NAP1L1: variants seen among roughly 807,000 people sequenced by gnomAD.
NAP1L1 encodes the protein nucleosome assembly protein 1-like 1.
NAP1L1 carries 9 observed loss-of-function variants against 58.9 expected under a neutral mutation model. The ratio of observed to expected loss-of-function variants is 0.15; its 90% CI spans 0.09 to 0.27. The LOEUF is 0.27. Among genes scored for constraint, NAP1L1 ranks in the 10% least tolerant of loss-of-function variants. NAP1L1 has a pLI of 1.00. For missense variants in NAP1L1, 302 were observed against 458.8 expected, an observed-to-expected ratio of 0.66 and a Z score of 3.12; for synonymous variants, 130 against 138.3, an observed-to-expected ratio of 0.94 and a Z score of 0.42.
At position 76,050,763 on chromosome 12, in the gene NAP1L1, C is replaced by A. The variant is rs1318463022; in HGVS notation, c.937-110G>T. On this transcript the variant is annotated intron_variant, in intron 11 of 14. Transcript: ENST00000618691. ...GTGTGATGGCTCACAACTGTAGTCCCAACACTTCAGGAGGCCAAAGTAGGA... is the reference window on the plus strand; with the variant it reads ...GTGTGATGGCTCACAACTGTAGTCCAAACACTTCAGGAGGCCAAAGTAGGA... 6 of 1,224,750 alleles carry A rather than the reference C, an allele frequency of 4.9e-6. No homozygotes were observed. In the African/African-American group the frequency reaches 7.7e-5, roughly 16 times the overall value. The allele number at this position is 1,224,750 out of a possible 1,614,324, so 75.9% of individuals were successfully genotyped here. A position where few individuals can be genotyped will look rare whatever the true frequency, so the allele number is the denominator to read the frequency against.
At chr12:76,056,321 C>G (rs1949084302) in intron 6 of NAP1L1, 160 bp from the exon 7 acceptor site, 1 of 662,328 alleles carries the variant, frequency 1.5e-6, no homozygotes, top group African/African-American at 1.8e-5. Flanking sequence ...ACCTTAATCC[C>G]ATCAAAATTA....
intron 11 of NAP1L1, 72 bp downstream of exon 11, chr12:76,053,019 C>T (rs1948913583): frequency 6.9e-7 from 1 of 1,440,628 alleles, no homozygotes; most frequent in Non-Finnish European, 9.6e-7. Flanking sequence ...TCCCACTCTC[C>T]ATTTTTGAAA....
At chr12:76,060,402 A>G in intron 4 of NAP1L1, 123 bp from the exon 5 acceptor site, 1 of 903,734 alleles carries the variant, frequency 1.1e-6, no homozygotes, top group Non-Finnish European at 1.7e-6. Flanking sequence ...AGCAAAAGGT[A>G]GATTCAAAGT....
rs778345072 is a variant in NAP1L1 at position 76,041,090 on chromosome 12, T to C, written c.*7339A>G. On this transcript the variant is annotated 3_prime_UTR_variant, in exon 15 of 15. Transcript: ENST00000618691. Reference sequence around the variant, plus strand: ...GTATACACAATCCAGCTTTGTTTCATTGGTTTTCTCAATCTACAGGAATAT... The same window carrying C: ...GTATACACAATCCAGCTTTGTTTCACTGGTTTTCTCAATCTACAGGAATAT... 1 of 152,224 alleles carries C rather than the reference T, an allele frequency of 6.6e-6. No homozygotes were observed. The highest frequency in any genetic ancestry group is 1.5e-5 in the Non-Finnish European group (1 of 68,040). 9.4% of individuals were successfully genotyped at this position (152,224 alleles called of 1,614,324 possible). A position where few individuals can be genotyped will look rare whatever the true frequency, so the allele number is the denominator to read the frequency against.
At chr12:76,074,260 G>GT in intron 1 of NAP1L1, 21 bp from the exon 2 acceptor site, 2 of 1,546,292 alleles carry the variant, frequency 1.3e-6, no homozygotes, top group Non-Finnish European at 1.7e-6. Flanking sequence ...AAACATCAAT[G>GT]TTAAAAAAAA....
intron 1 of NAP1L1, among the ~76,000 whole-genome samples, chr12:76,083,008 T>C (rs1348557873): frequency 6.6e-6 from 1 of 152,194 alleles, no homozygotes; most frequent in Non-Finnish European, 1.5e-5. Context: ...AGTGAGATTT[T>C]TAAAATGTAG....
chr12:76,056,201 T>TGCCTGCTTTG, intron 6 of NAP1L1, 40 bp from the exon 7 acceptor site: 1 of 1,577,334 alleles, frequency 6.3e-7, no homozygotes, highest in Admixed American at 2.0e-5. Flanking sequence ...ATACATAGAT[T>TGCCTGCTTTG]AGACCTCATG....
rs548880886 is a variant in NAP1L1, at chr12:76,068,722, C to A, written c.103+187G>T. ...TTCTAATTGAGTTGCTGTATCTATA[C>A]CTACCCGCCCCTTACACACACACAC... On this transcript the variant is annotated intron_variant, in intron 3 of 14. Coordinates refer to ENST00000618691, the MANE Select transcript of NAP1L1 (RefSeq NM_004537.7). 30 of 455,358 alleles carry A rather than the reference C, an allele frequency of 6.6e-5. No homozygotes were observed. The South Asian group carries it at 8.0e-4, about 12-fold the overall frequency. 28.2% of individuals were successfully genotyped at this position (455,358 alleles called of 1,614,324 possible).
In NAP1L1 at chr12:76,043,924, T is replaced by C. The variant is rs1454184803; in HGVS notation, c.*4505A>G. The C allele has an allele frequency of 6.6e-6, 1 of 152,242 alleles. No homozygotes were observed. Among genetic ancestry groups the C allele is most frequent in the Non-Finnish European group, 1.5e-5 (1 of 68,054 alleles). 9.4% of individuals were successfully genotyped at this position (152,242 alleles called of 1,614,324 possible). A position where few individuals can be genotyped will look rare whatever the true frequency, so the allele number is the denominator to read the frequency against. On this transcript the variant is annotated 3_prime_UTR_variant, in exon 15 of 15. Transcript: ENST00000618691. Reference sequence around the variant, plus strand: ...CCTTCAACTCTGGATATGAGATCTGTCGACTTCTGGCACTCACGTTTAATC... The same window carrying C: ...CCTTCAACTCTGGATATGAGATCTGCCGACTTCTGGCACTCACGTTTAATC...
At chr12:76,076,462 A>G (rs887525712) in intron 1 of NAP1L1, among the ~76,000 whole-genome samples, 2 of 151,504 alleles carry the variant, frequency 1.3e-5, no homozygotes, top group Non-Finnish European at 2.9e-5. Context: ...AATGCTTTGC[A>G]GTCACAAATG....
chr12:76,078,352 T>C (rs1352762432), intron 1 of NAP1L1, among the ~76,000 whole-genome samples: 1 of 152,110 alleles, frequency 6.6e-6, no homozygotes, highest in Non-Finnish European at 1.5e-5. Flanking sequence ...CCCCAAGCTA[T>C]GTACTTAAAA....
At chr12:76,057,562 A>G in intron 6 of NAP1L1, 1 of 894,340 alleles carries the variant, frequency 1.1e-6, no homozygotes. Context: ...TTCCGATTCC[A>G]ATAGGGCTGA....
intron 1 of NAP1L1, among the ~76,000 whole-genome samples, chr12:76,080,391 C>T (rs1031782770): frequency 2.0e-5 from 3 of 152,126 alleles, no homozygotes; most frequent in Non-Finnish European, 4.4e-5. Flanking sequence ...GAGTACACTC[C>T]AACTTATTTT....
chr12:76,058,198 T>TATATTC, intron 6 of NAP1L1: 1 of 28,088 alleles, frequency 3.6e-5, no homozygotes, highest in African/African-American at 7.8e-5. Context: ...GGCCTACATA[T>TATATTC]ATATATATAT....
chr12:76,037,361 T>TTA lies in NAP1L1; in HGVS notation c.*11067_*11068insTA, dbSNP rs1871072205. The TTA allele has an allele frequency of 1.3e-5, 2 of 152,374 alleles. No homozygotes were observed. The highest frequency in any genetic ancestry group is 2.4e-5 in the African/African-American group (1 of 41,456). The allele number at this position is 152,374 out of a possible 1,614,324, so 9.4% of individuals were successfully genotyped here. On this transcript the variant is annotated 3_prime_UTR_variant, in exon 15 of 15. Transcript: ENST00000618691. ...ATAATGAGTGCTTAGCGCTTTTTTT[T>TTA]AACTGTAGTACAAACACAATTGTGG...
At chr12:76,064,061 T>G (rs1949545228) in intron 4 of NAP1L1, among the ~76,000 whole-genome samples, 1 of 151,980 alleles carries the variant, frequency 6.6e-6, no homozygotes, top group South Asian at 2.1e-4. Context: ...CCCAGCTACT[T>G]GGGAGGCTGA....
intron 2 of NAP1L1, among the ~76,000 whole-genome samples, chr12:76,070,836 TATA>T (rs1325017298): frequency 6.6e-6 from 1 of 152,190 alleles, no homozygotes; most frequent in Non-Finnish European, 1.5e-5. Flanking sequence ...CTAGATTACT[TATA>T]ATAATACTAT....
At chr12:76,064,951 C>A (rs1463618433) in intron 4 of NAP1L1, among the ~76,000 whole-genome samples, 1 of 152,098 alleles carries the variant, frequency 6.6e-6, no homozygotes, top group Non-Finnish European at 1.5e-5. Context: ...CTGCTCCATT[C>A]CTTAGGCAAT....
At position 76,045,447 on chromosome 12, in the gene NAP1L1, T is replaced by G. The variant is rs1286054413; in HGVS notation, c.*2982A>C. 1 of 152,070 alleles carries G rather than the reference T, an allele frequency of 6.6e-6. No homozygotes were observed. Among genetic ancestry groups the G allele is most frequent in the Admixed American group, 6.5e-5 (1 of 15,276 alleles). 9.4% of individuals were successfully genotyped at this position (152,070 alleles called of 1,614,324 possible). On this transcript the variant is annotated 3_prime_UTR_variant, in exon 15 of 15. Coordinates refer to ENST00000618691, the MANE Select transcript of NAP1L1 (RefSeq NM_004537.7). Reference sequence around the variant, plus strand: ...GCCTACAATTACAATAAACAATTAATTCAGTTATTTTAGGGGCCTTACCAT... The same window carrying G: ...GCCTACAATTACAATAAACAATTAAGTCAGTTATTTTAGGGGCCTTACCAT...
Sources: allele counts gnomAD v4.1 joint callset (sites outside exome capture counted in the v4.1 genomes callset), GRCh38; gene constraint gnomAD v4.1.1; transcripts MANE v1.5; gene names NCBI Gene and HGNC (gene_info 2026-07-23, HGNC 2026-07-21).